Variants in DLG4 observed in about 807,000 individuals in gnomAD.
DLG4 encodes the protein disks large homolog 4.
DLG4 carries 7 observed loss-of-function variants against 93.8 expected under a neutral mutation model. The observed-to-expected ratio is 0.07, with a 90% CI of 0.04 to 0.14. The LOEUF is 0.14. DLG4 is among the 10% of genes least tolerant of loss of function. DLG4 has a pLI of 1.00. For missense variants in DLG4, 545 were observed against 992.9 expected (o/e 0.55, Z 6.06); for synonymous variants, 341 against 387.6 (o/e 0.88, Z 1.41).
Position 7,191,864 on chromosome 17 carries a change from A to T in DLG4, c.1976+29T>A. ...CCAGGGCCACAGGTGTTGGGGGAGC[A>T]AAGGGGAGGCCCCCAGGACCATACT... On this transcript the variant is annotated intron_variant, in intron 18 of 19. Coordinates refer to ENST00000399506, the MANE Select transcript of DLG4 (RefSeq NM_001321075.3). The surrounding 1 kb of genome is among the most constrained non-coding windows in gnomAD (Gnocchi z 6.6). The T allele has an allele frequency of 7.1e-7, 1 of 1,408,556 alleles. No homozygotes were observed. Among genetic ancestry groups the T allele is most frequent in the African/African-American group, 1.4e-5 (1 of 68,966 alleles). The allele number at this position is 1,408,556 out of a possible 1,614,324, so 87.3% of individuals were successfully genotyped here.
At chr17:7,218,964 C>T (rs1243049661), upstream of DLG4, 13 of 1,120,896 alleles carry the variant, frequency 1.2e-5, no homozygotes, top group Admixed American at 2.1e-4. Context: ...GACCAGCTGT[C>T]CCATTCCCCC....
chr17:7,219,782 C>T (rs945354338), upstream of DLG4: 5 of 1,496,886 alleles, frequency 3.3e-6, no homozygotes, highest in African/African-American at 4.2e-5. Context: ...AGACGAGGGA[C>T]GCTTGGAGAT....
At chr17:7,218,770 C>A (rs372662664), upstream of DLG4, 3 of 1,604,488 alleles carry the variant, frequency 1.9e-6, no homozygotes, top group Non-Finnish European at 2.6e-6. Context: ...GAAGGATCTC[C>A]GAGCCCCAGC....
Position 7,191,205 on chromosome 17 carries a change from A to G in DLG4, c.2068+62T>C. 1 of 1,509,494 alleles carries G rather than the reference A, an allele frequency of 6.6e-7. No individual in the cohort carries two copies. The allele number at this position is 1,509,494 out of a possible 1,614,324, so 93.5% of individuals were successfully genotyped here. On this transcript the variant is annotated intron_variant, in intron 19 of 19. Transcript: ENST00000399506. The surrounding 1 kb of genome is among the most constrained non-coding windows in gnomAD (Gnocchi z 6.6). ...AGCCATCCACTGGGGGTGGCGGGGG[A>G]GCTCTTTCTAATCCGAGCAAGGGCA...
At chr17:7,215,190 A>T (rs1332082208) in intron 1 of DLG4, among the ~76,000 whole-genome samples, 1 of 152,158 alleles carries the variant, frequency 6.6e-6, no homozygotes, top group Admixed American at 6.5e-5. Flanking sequence ...CACCATACCG[A>T]GGCTGACAAG....
At position 7,187,501 on chromosome 17, in the gene DLG4, G is replaced by A. The variant is rs1026035293; in HGVS notation, c.*3207C>T. On this transcript the variant is annotated 3_prime_UTR_variant, in exon 20 of 20. Coordinates refer to ENST00000399506, the MANE Select transcript of DLG4 (RefSeq NM_001321075.3). ...GCAGAGGTTGCAGTGAGCAGAGATC[G>A]CACCACTGCACTCCAGCCTGGGCAA... Among the ~76,000 whole-genome samples, 14 of 151,516 alleles carry A rather than the reference G, an allele frequency of 9.2e-5. No individual in the cohort carries two copies. Among genetic ancestry groups the A allele is most frequent in the Non-Finnish European group, 1.9e-4 (13 of 67,944 alleles).
At chr17:7,217,641 G>A, upstream of DLG4, 2 of 1,348,922 alleles carry the variant, frequency 1.5e-6, no homozygotes, top group East Asian at 2.7e-5. Context: ...GAGGAAGCAG[G>A]GGGAGGGAGG....
intron 17 of DLG4, 123 bp from the exon 18 acceptor site, chr17:7,192,125 T>C: frequency 3.9e-6 from 2 of 513,682 alleles, no homozygotes; most frequent in Non-Finnish European, 6.8e-6. Flanking sequence ...GGGAGTGACA[T>C]GGATGTCAAG....
chr17:7,218,675 TG>T (rs2071048103), upstream of DLG4: 2 of 1,548,234 alleles, frequency 1.3e-6, no homozygotes. Context: ...ACAGGGAAGA[TG>T]CCAACACAGG....
chr17:7,219,776 G>A, upstream of DLG4: 2 of 1,491,406 alleles, frequency 1.3e-6, no homozygotes, highest in Middle Eastern at 1.8e-4. Flanking sequence ...TGGGGGAGAC[G>A]AGGGACGCTT....
In DLG4 at chr17:7,208,375, C is replaced by T. The variant is rs1340493043; in HGVS notation, c.31-136G>A. 2 of 721,302 alleles carry T rather than the reference C, an allele frequency of 2.8e-6. No homozygotes were observed. The highest frequency in any genetic ancestry group is 4.0e-6 in the Non-Finnish European group (2 of 504,012). 44.7% of individuals were successfully genotyped at this position (721,302 alleles called of 1,614,324 possible). On this transcript the variant is annotated intron_variant, in intron 1 of 19. Transcript: ENST00000399506. The surrounding 1 kb of genome is among the most constrained non-coding windows in gnomAD (Gnocchi z 5.4). ...GGGCCTGACCAGCTCCTCCCCCTCC[C>T]TCTCCTCTAGCCCATTGGCTCCCCT...
chr17:7,196,468 G>A lies in DLG4; in HGVS notation c.1186+5C>T. The A allele has an allele frequency of 3.1e-6, 5 of 1,613,822 alleles. No individual in the cohort carries two copies. The highest frequency in any genetic ancestry group is 4.2e-6 in the Non-Finnish European group (5 of 1,179,734). Reference sequence around the variant, plus strand: ...TCACAAGACAAGGAACTTCCGGCCTGGTACCTTCTGGTTTATACTGAGCGA... The same window carrying A: ...TCACAAGACAAGGAACTTCCGGCCTAGTACCTTCTGGTTTATACTGAGCGA... On this transcript the variant is annotated splice_donor_5th_base_variant and intron_variant, in intron 10 of 19. Coordinates refer to ENST00000399506, the MANE Select transcript of DLG4 (RefSeq NM_001321075.3). This position sits in a 1 kb window ranked among gnomAD's most constrained non-coding sequence, Gnocchi z 8.3.
At chr17:7,206,027 G>A (rs1000403680) in intron 2 of DLG4, among the ~76,000 whole-genome samples, 7 of 151,038 alleles carry the variant, frequency 4.6e-5, no homozygotes, top group Non-Finnish European at 7.4e-5. Context: ...TTCTCCATCC[G>A]CTTCCCTGGC....
upstream of DLG4, chr17:7,218,778 A>C: frequency 6.2e-7 from 1 of 1,609,564 alleles, no homozygotes; most frequent in Non-Finnish European, 8.5e-7. Context: ...TCCGAGCCCC[A>C]GCCCCCCACT....
At chr17:7,198,687 A>G (rs1403175029) in intron 8 of DLG4, among the ~76,000 whole-genome samples, 1 of 150,190 alleles carries the variant, frequency 6.7e-6, no homozygotes, top group Non-Finnish European at 1.5e-5. Flanking sequence ...ATCTGTACTA[A>G]AAGTACAAAA....
chr17:7,213,875 T>A (rs1256628894), intron 1 of DLG4: 2 of 470,958 alleles, frequency 4.2e-6, no homozygotes, highest in Middle Eastern at 3.2e-4. Flanking sequence ...CCTAGTTTCA[T>A]ATCTGGTAGG....
chr17:7,219,697 T>C, upstream of DLG4: 1 of 1,375,194 alleles, frequency 7.3e-7, no homozygotes, highest in Admixed American at 3.0e-5. Flanking sequence ...CTTCCTCTTC[T>C]GTCCCATCCT....
chr17:7,218,900 G>C, upstream of DLG4: 1 of 1,597,092 alleles, frequency 6.3e-7, no homozygotes, highest in East Asian at 2.2e-5. Context: ...TTGGAGTTGA[G>C]CTGCTTCTCC....
At position 7,195,005 on chromosome 17, in the gene DLG4, C is replaced by G. The variant is rs1382915184; in HGVS notation, c.1302-510G>C. ...CTGCACTCCAGCCTGGGCAACGGAG[C>G]GAGACACCGTCTCAAAAAAAAAAAA... On this transcript the variant is annotated intron_variant, in intron 11 of 19. Transcript: ENST00000399506. The surrounding 1 kb of genome is among the most constrained non-coding windows in gnomAD (Gnocchi z 4.3). 1.4e-5 allele frequency among the ~76,000 whole-genome samples: 2 copies of G among 141,514 alleles called. No individual in the cohort carries two copies. The highest frequency in any genetic ancestry group is 3.0e-5 in the Non-Finnish European group (2 of 66,332). The allele number at this position is 141,514 out of a possible 152,430, so 92.8% of individuals were successfully genotyped here. A position where few individuals can be genotyped will look rare whatever the true frequency, so the allele number is the denominator to read the frequency against.
Sources: allele counts gnomAD v4.1 joint callset (sites outside exome capture counted in the v4.1 genomes callset), GRCh38; gene constraint gnomAD v4.1.1; non-coding constraint Gnocchi (gnomAD v3.1); transcripts MANE v1.5; gene names NCBI Gene and HGNC (gene_info 2026-07-23, HGNC 2026-07-21).